KRR1: variants seen among roughly 807,000 people sequenced by gnomAD.
KRR1 encodes the protein KRR1 small subunit processome component homolog.
In KRR1, 23 loss-of-function variants were observed where a neutral mutation model predicts 50.0. The ratio of observed to expected loss-of-function variants is 0.46; its 90% confidence interval spans 0.33 to 0.65. KRR1 has a LOEUF of 0.65. Ranked by LOEUF, KRR1 falls within the 30% of genes least tolerant of loss-of-function variation. The probability of loss-of-function intolerance (pLI) is 0.02; values close to 1 mark genes in which losing one functional copy is unlikely to be tolerated. For missense variants in KRR1, 419 were observed against 442.4 expected (o/e 0.95, Z 0.47); for synonymous variants, 133 against 146.3 (o/e 0.91, Z 0.66).
rs375997460 is a variant in KRR1, at chr12:75,508,257, A to T, written c.258+17T>A. On this transcript the variant is annotated intron_variant, in intron 2 of 9. Coordinates refer to ENST00000229214, the MANE Select transcript of KRR1 (RefSeq NM_007043.7). ...AGCAAAGTCTCAAATAAATGTATTGATATAAGATACACATACATGTTCATT... is the reference window on the plus strand; with the variant it reads ...AGCAAAGTCTCAAATAAATGTATTGTTATAAGATACACATACATGTTCATT... 20 of 1,568,470 alleles carry T rather than the reference A, an allele frequency of 1.3e-5. No homozygotes were observed. The highest frequency in any genetic ancestry group is 1.7e-5 in the Non-Finnish European group (20 of 1,152,984).
intron 7 of KRR1, 103 bp downstream of exon 7, chr12:75,503,795 CAATATA>C: frequency 1.0e-6 from 1 of 958,004 alleles, no homozygotes; most frequent in Non-Finnish European, 1.5e-6. Context: ...CACACACACA[CAATATA>C]TATATATACA....
At position 75,501,972 on chromosome 12, in the gene KRR1, T is replaced by C; in HGVS notation, c.860A>G (p.Tyr287Cys). Residue 287 changes from tyrosine (Y) to cysteine (C), a missense_variant, in exon 8 of 10, where the codon TAC (tyrosine) becomes TGC (cysteine). Transcript: ENST00000229214. ...CTTCTTCTGATTTGCCTTCAAAAAG[T>C]ATTCACCACTAGCCAATTCTTTATC... is the stretch of plus-strand genomic sequence containing the variant. ...QIDKELASGE[Y>C]FLKANQKKRQ... is the part of the protein sequence containing the mutation. 6.2e-7 allele frequency: 1 copy of C among 1,612,242 alleles called. No homozygotes were observed. The highest frequency in any genetic ancestry group is 8.5e-7 in the Non-Finnish European group (1 of 1,179,048).
At position 75,501,802 on chromosome 12, in the gene KRR1, T is replaced by C. The variant is rs745641332; in HGVS notation, c.924A>G (p.Glu308=). 1 of 1,608,866 alleles carries C rather than the reference T, an allele frequency of 6.2e-7. No homozygotes were observed. The part of the protein sequence containing the change: ...KMEAIKAKQA[E]AISKRQEERN... ...TTTCCTCTTGTCTCTTACTGATGGC[T>C]TCTGCTTGTTTAGCCTACATTAATA... The change falls in exon 9 of 10, where the codon GAA becomes GAG. Residue 308 remains glutamate (E), a synonymous_variant. Transcript: ENST00000229214.
rs1204885654 is a variant in KRR1 at position 75,498,840 on chromosome 12, A to T, written c.*969T>A. On this transcript the variant is annotated 3_prime_UTR_variant, in exon 10 of 10. Transcript: ENST00000229214. Reference sequence around the variant, plus strand: ...GTTTCACAGGTTACTACTCTGTTGTATATCCAGGCTGGCCCATATATCCAC... The same window carrying T: ...GTTTCACAGGTTACTACTCTGTTGTTTATCCAGGCTGGCCCATATATCCAC... The T allele has an allele frequency of 1.2e-6, 2 of 1,612,516 alleles. No individual in the cohort carries two copies. Among genetic ancestry groups the T allele is most frequent in the African/African-American group, 2.7e-5 (2 of 74,856 alleles).
In KRR1 at chr12:75,491,686, CTG is replaced by C. The variant is rs1446171435; in HGVS notation, c.*8121_*8122del. The C allele has an allele frequency of 6.6e-6, 1 of 152,108 alleles. No homozygotes were observed. Among genetic ancestry groups the C allele is most frequent in the African/African-American group, 2.4e-5 (1 of 41,408 alleles). 9.4% of individuals were successfully genotyped at this position (152,108 alleles called of 1,614,324 possible). On this transcript the variant is annotated 3_prime_UTR_variant, in exon 10 of 10. Transcript: ENST00000229214. ...ATTTCATTTGCTTTCTTTTGCATCT[CTG>C]TGATTACTAGTAATTATAAATTTCT...
intron 1 of KRR1, 27 bp from the exon 2 acceptor site, chr12:75,508,473 C>A: frequency 6.5e-7 from 1 of 1,545,934 alleles, no homozygotes; most frequent in South Asian, 1.2e-5. Context: ...ATTTACACAT[C>A]ACATTTTAAC....
intron 2 of KRR1, among the ~76,000 whole-genome samples, 174 bp from the exon 3 acceptor site, chr12:75,507,090 C>T (rs1383445436): frequency 1.3e-5 from 2 of 152,172 alleles, no homozygotes; most frequent in Non-Finnish European, 2.9e-5. Flanking sequence ...TACTTTCACA[C>T]TTTACAGACT....
At position 75,500,061 on chromosome 12, in the gene KRR1, T is replaced by G; in HGVS notation, c.1004-110A>C. On this transcript the variant is annotated intron_variant, in intron 9 of 9. Coordinates refer to ENST00000229214, the MANE Select transcript of KRR1 (RefSeq NM_007043.7). Reference sequence around the variant, plus strand: ...GTTTAAGGCAGTTAACTTCAGAGTATTCTTATAATTGAATAATTGAAAGGT... The same window carrying G: ...GTTTAAGGCAGTTAACTTCAGAGTAGTCTTATAATTGAATAATTGAAAGGT... The G allele has an allele frequency of 5.2e-6, 4 of 770,130 alleles. No individual in the cohort carries two copies. In the South Asian group the frequency reaches 8.1e-5, roughly 16 times the overall value. The allele number at this position is 770,130 out of a possible 1,614,324, so 47.7% of individuals were successfully genotyped here.
intron 9 of KRR1, 128 bp downstream of exon 9, chr12:75,501,595 T>G: frequency 1.6e-6 from 1 of 644,612 alleles, no homozygotes; most frequent in Non-Finnish European, 2.7e-6. Flanking sequence ...TCCTTAGGAT[T>G]AGTAATTAAT....
In KRR1 at chr12:75,492,115, C is replaced by G. The variant is rs1294013727; in HGVS notation, c.*7694G>C. 1 of 139,242 alleles carries G rather than the reference C, an allele frequency of 7.2e-6. No homozygotes were observed. The allele number at this position is 139,242 out of a possible 1,614,324, so 8.6% of individuals were successfully genotyped here. ...TTTTTTTTTTTTTTTGAGACAGGGT[C>G]TCTCACTCTGTCACCCAGGCTGGAG... On this transcript the variant is annotated 3_prime_UTR_variant, in exon 10 of 10. Transcript: ENST00000229214.
Position 75,494,410 on chromosome 12 carries a change from TA to T in KRR1, c.*5398del, listed in dbSNP as rs2046338958. On this transcript the variant is annotated 3_prime_UTR_variant, in exon 10 of 10. Coordinates refer to ENST00000229214, the MANE Select transcript of KRR1 (RefSeq NM_007043.7). Reference sequence around the variant, plus strand: ...CAGTATCATCTTTGTAAATATCAGATATTTTCATACCACATTCCACTTGCTG... The same window carrying T: ...CAGTATCATCTTTGTAAATATCAGATTTTTCATACCACATTCCACTTGCTG... 1 of 152,208 alleles carries T rather than the reference TA, an allele frequency of 6.6e-6. No homozygotes were observed. 9.4% of individuals were successfully genotyped at this position (152,208 alleles called of 1,614,324 possible).
chr12:75,503,648 A>G, intron 7 of KRR1: 1 of 297,030 alleles, frequency 3.4e-6, no homozygotes. Flanking sequence ...TATCCATGGA[A>G]CATTTACAGT....
rs2046432396 is a variant in KRR1, at chr12:75,508,424, A to T, written c.108T>A (p.Val36=). The change falls in exon 2 of 10, where the codon GTT becomes GTA. Residue 36 remains valine, a synonymous_variant. Coordinates refer to ENST00000229214, the MANE Select transcript of KRR1 (RefSeq NM_007043.7). The part of the protein sequence containing the change: ...ENQDESELLT[V]PDGWKEPAFS... The stretch of plus-strand genomic sequence containing the variant: ...AAGCTGGTTCCTTCCAACCATCAGG[A>T]ACCGTAAGGAGTTCTGATTCATCTA... 1 of 1,604,992 alleles carries T rather than the reference A, an allele frequency of 6.2e-7. No individual in the cohort carries two copies. Among genetic ancestry groups the T allele is most frequent in the Admixed American group, 1.7e-5 (1 of 57,274 alleles).
Position 75,499,711 on chromosome 12 carries a change from A to AT in KRR1, c.*97_*98insA. 1 of 725,852 alleles carries AT rather than the reference A, an allele frequency of 1.4e-6. No individual in the cohort carries two copies. Among genetic ancestry groups the AT allele is most frequent in the Non-Finnish European group, 2.1e-6 (1 of 470,882 alleles). 45.0% of individuals were successfully genotyped at this position (725,852 alleles called of 1,614,324 possible). A position where few individuals can be genotyped will look rare whatever the true frequency, so the allele number is the denominator to read the frequency against. On this transcript the variant is annotated 3_prime_UTR_variant, in exon 10 of 10. Transcript: ENST00000229214. ...AACCACCACCACCAAAAAAAAAAAA[A>AT]GCCCTCAGAAAATTTCTCACAAATA... is the stretch of plus-strand genomic sequence containing the variant.
Position 75,511,549 on chromosome 12 carries a change from C to G in KRR1, c.49G>C (p.Glu17Gln). 2 of 1,614,162 alleles carry G rather than the reference C, an allele frequency of 1.2e-6. No homozygotes were observed. Among genetic ancestry groups the G allele is most frequent in the South Asian group, 2.2e-5 (2 of 91,084 alleles). Reference sequence around the variant, plus strand: ...GGCTTCGGCTTCTGGTTACGAAATTCACTTTTTCCAGCGCCTTTTTCTGGC... The same window carrying G: ...GGCTTCGGCTTCTGGTTACGAAATTGACTTTTTCCAGCGCCTTTTTCTGGC... ...ERPEKGAGKS[E>Q]FRNQKPKPEN... Residue 17 changes from glutamate to glutamine, a missense_variant, in exon 1 of 10, where the codon GAA becomes CAA. Glu to Gln is a conservative substitution (Grantham distance 29). Coordinates refer to ENST00000229214, the MANE Select transcript of KRR1 (RefSeq NM_007043.7).
rs1417513185 is a variant in KRR1, at chr12:75,498,883, C to G, written c.*926G>C. ...ATATCCACGTAACAGATACACTTCT[C>G]TCTTTCTCATTGTTAATTCAGTAAT... On this transcript the variant is annotated 3_prime_UTR_variant, in exon 10 of 10. Coordinates refer to ENST00000229214, the MANE Select transcript of KRR1 (RefSeq NM_007043.7). 1 of 1,610,416 alleles carries G rather than the reference C, an allele frequency of 6.2e-7. No individual in the cohort carries two copies. Among genetic ancestry groups the G allele is most frequent in the Non-Finnish European group, 8.5e-7 (1 of 1,177,040 alleles).
At chr12:75,508,237 A>G in intron 2 of KRR1, 37 bp downstream of exon 2, 1 of 1,489,514 alleles carries the variant, frequency 6.7e-7, no homozygotes, top group South Asian at 1.3e-5. Context: ...GCAAGAGCAA[A>G]GTCTCAAATA....
chr12:75,493,101 G>T lies in KRR1; in HGVS notation c.*6708C>A, dbSNP rs764363833. Reference sequence around the variant, plus strand: ...CCTCGGTCTGCTAAACAGATGAAACGGGGGGAGGAAGGCAGTTGCAGATCT... The same window carrying T: ...CCTCGGTCTGCTAAACAGATGAAACTGGGGGAGGAAGGCAGTTGCAGATCT... On this transcript the variant is annotated 3_prime_UTR_variant, in exon 10 of 10. Transcript: ENST00000229214. 1 of 152,202 alleles carries T rather than the reference G, an allele frequency of 6.6e-6. No individual in the cohort carries two copies. Among genetic ancestry groups the T allele is most frequent in the South Asian group, 2.1e-4 (1 of 4,816 alleles). The allele number at this position is 152,202 out of a possible 1,614,324, so 9.4% of individuals were successfully genotyped here. A position where few individuals can be genotyped will look rare whatever the true frequency, so the allele number is the denominator to read the frequency against.
At chr12:75,502,142 A>G in intron 7 of KRR1, 142 bp from the exon 8 acceptor site, 1 of 688,422 alleles carries the variant, frequency 1.5e-6, no homozygotes. Context: ...TAAAGGAAAC[A>G]GAGTCTAAGC....
Sources: gnomAD v4.1 joint callset for allele counts (sites outside exome capture counted in the v4.1 genomes callset) on GRCh38, gnomAD v4.1.1 for gene constraint, MANE v1.5 for transcripts, NCBI Gene and HGNC (gene_info 2026-07-23, HGNC 2026-07-21) for gene names.